PKHD1: variants seen among roughly 807,000 people sequenced by gnomAD.
The protein encoded by PKHD1 is PKHD1 ciliary IPT domain containing fibrocystin/polyductin, also known as fibrocystin.
Under a neutral mutation model 412.0 loss-of-function variants are expected in PKHD1, and 291 were observed. The observed-to-expected ratio is 0.71, with a 90% CI of 0.64 to 0.78. PKHD1 has a LOEUF of 0.78. Ranked by LOEUF, PKHD1 falls within the 30% of genes least tolerant of loss-of-function variation. The pLI is 0.00. For missense variants in PKHD1, 4,825 were observed against 4,950.7 expected (o/e 0.97, Z 0.76); for synonymous variants, 1,777 against 1,821.5 (o/e 0.98, Z 0.62).
chr6:51,810,115 A>G (rs1764467733), intron 52 of PKHD1, among the ~76,000 whole-genome samples: 1 of 152,076 alleles, frequency 6.6e-6, no homozygotes. Context: ...AAATTCCCCT[A>G]TTTCTGTAAT....
chr6:51,865,497 G>T (rs1328489585), intron 48 of PKHD1, among the ~76,000 whole-genome samples: 1 of 151,746 alleles, frequency 6.6e-6, no homozygotes, highest in African/African-American at 2.4e-5. Flanking sequence ...AAATGGACCA[G>T]AGAGGGGGCC....
At chr6:52,033,743 A>G (rs1175928618) in intron 28 of PKHD1, among the ~76,000 whole-genome samples, 1 of 152,186 alleles carries the variant, frequency 6.6e-6, no homozygotes, top group Non-Finnish European at 1.5e-5. Flanking sequence ...TAAGCAGGCT[A>G]GATTGAAACA....
At position 51,779,510 on chromosome 6, in the gene PKHD1, A is replaced by C. The variant is rs536591443; in HGVS notation, c.8441-3589T>G. Among the ~76,000 whole-genome samples the C allele has an allele frequency of 7.9e-5, 12 of 152,286 alleles. No individual in the cohort carries two copies. In the East Asian group the frequency reaches 1.7e-3, roughly 22 times the overall value. On this transcript the variant is annotated intron_variant, in intron 53 of 66. Transcript: ENST00000371117. Reference sequence around the variant, plus strand: ...ATTGCCTCCTTCTCTCAGTGAGCGCAAGAAGAAACTATGTATTCCCAGCAG... The same window carrying C: ...ATTGCCTCCTTCTCTCAGTGAGCGCCAGAAGAAACTATGTATTCCCAGCAG...
chr6:52,028,970 A>T (rs539872349), intron 29 of PKHD1, among the ~76,000 whole-genome samples: 19 of 152,356 alleles, frequency 1.2e-4, no homozygotes, highest in Non-Finnish European at 1.2e-4. Flanking sequence ...AAAGAGCACC[A>T]CATATTGGTT....
intron 52 of PKHD1, among the ~76,000 whole-genome samples, chr6:51,822,192 AT>A (rs1227538825): frequency 6.6e-6 from 1 of 152,086 alleles, no homozygotes; most frequent in South Asian, 2.1e-4. Flanking sequence ...ATGGTTTTTA[AT>A]TTTAACAAAG....
At chr6:51,893,719 C>T (rs1315274249) in intron 43 of PKHD1, among the ~76,000 whole-genome samples, 1 of 152,046 alleles carries the variant, frequency 6.6e-6, no homozygotes, top group Non-Finnish European at 1.5e-5. Flanking sequence ...CCCAAGTAAG[C>T]CAGCTCCTTG....
Position 52,010,451 on chromosome 6 carries a change from A to T in PKHD1, c.5609T>A (p.Leu1870Ter), listed in dbSNP as rs773634689. 2 of 1,599,284 alleles carry T rather than the reference A, an allele frequency of 1.3e-6. No individual in the cohort carries two copies. Among genetic ancestry groups the T allele is most frequent in the Admixed American group, 3.3e-5 (2 of 59,978 alleles). Residue 1870 changes from leucine (L) to a stop codon, truncating the protein, a stop_gained, in exon 35 of 67, where the codon TTG becomes TAG. Transcript: ENST00000371117. LOFTEE classifies it high-confidence loss of function. The stretch of plus-strand genomic sequence containing the variant: ...ATAGATGAGAACTTCATCTCTTTCC[A>T]ATTTAGGGCTGAAACGAGAGGGGAG... ...SFSGLFISPK[L>*]ERDEVLIYNS...
At chr6:52,065,154 T>TAGAG (rs1439203692) in intron 12 of PKHD1, 104 bp from the exon 13 acceptor site, 9 of 77,112 alleles carry the variant, frequency 1.2e-4, no homozygotes, top group African/African-American at 4.8e-4. Context: ...TATATATATA[T>TAGAG]ATATATATAT....
chr6:52,037,322 A>C (rs1804114817), intron 27 of PKHD1, among the ~76,000 whole-genome samples: 1 of 152,122 alleles, frequency 6.6e-6, no homozygotes, highest in African/African-American at 2.4e-5. Context: ...TCAGAGTTGC[A>C]AAGTCTATCC....
intron 35 of PKHD1, among the ~76,000 whole-genome samples, chr6:52,006,371 G>GTTGT (rs34570175): frequency 0.46 from 68,448 of 148,504 alleles, 17,026 homozygotes; most frequent in Admixed American, 0.59. Context: ...TGTTGTTGTT[G>GTTGT]TTGTTTGTTT....
intron 60 of PKHD1, among the ~76,000 whole-genome samples, chr6:51,700,528 C>T (rs1779296865): frequency 6.6e-6 from 1 of 152,034 alleles, no homozygotes; most frequent in Non-Finnish European, 1.5e-5. Context: ...ATCATACCTG[C>T]AGCTTCCAAG....
intron 60 of PKHD1, among the ~76,000 whole-genome samples, chr6:51,705,825 C>CT: frequency 6.6e-6 from 1 of 152,188 alleles, no homozygotes; most frequent in Middle Eastern, 3.4e-3. Flanking sequence ...AAATCTTTGC[C>CT]TGCTTCATGG....
At chr6:51,932,679 T>C (rs1786829350) in intron 37 of PKHD1, among the ~76,000 whole-genome samples, 1 of 152,214 alleles carries the variant, frequency 6.6e-6, no homozygotes, top group East Asian at 1.9e-4. Context: ...AAAGGTCCCC[T>C]TGGAAGTTGA....
intron 60 of PKHD1, chr6:51,722,070 T>C: frequency 6.2e-7 from 1 of 1,613,204 alleles, no homozygotes; most frequent in South Asian, 1.1e-5. Flanking sequence ...TCTCCAAAAA[T>C]ATGTCTCCAC....
Position 52,053,834 on chromosome 6 carries a change from C to T in PKHD1, c.1964+204G>A, listed in dbSNP as rs547388435. Among the ~76,000 whole-genome samples the T allele has an allele frequency of 3.9e-5, 6 of 152,350 alleles. 1 individual carries two copies. In the South Asian group the frequency reaches 1.0e-3, roughly 26 times the overall value. Reference sequence around the variant, plus strand: ...TTCTATCCCTATGAGAAATGTCAGACTCCCTCTAGGGAGTAGTATATTCTT... The same window carrying T: ...TTCTATCCCTATGAGAAATGTCAGATTCCCTCTAGGGAGTAGTATATTCTT... On this transcript the variant is annotated intron_variant, in intron 20 of 66. Transcript: ENST00000371117.
At position 51,847,868 on chromosome 6, in the gene PKHD1, C is replaced by T. The variant is rs756926987; in HGVS notation, c.8014G>A (p.Val2672Met). Residue 2672 changes from valine (V) to methionine (M), a missense_variant, in exon 50 of 67, where the codon GTG becomes ATG. Val to Met is a conservative substitution (Grantham distance 21). Coordinates refer to ENST00000371117, the MANE Select transcript of PKHD1 (RefSeq NM_138694.4). ...PDILLRCGSR[V>M]GLSFPFLPSP... Reference sequence around the variant, plus strand: ...GGAAGAAATGGAAAAGACAGACCCACTCGACTCCCACATCTTAGGAGGATG... The same window carrying T: ...GGAAGAAATGGAAAAGACAGACCCATTCGACTCCCACATCTTAGGAGGATG... The T allele has an allele frequency of 6.2e-7, 1 of 1,613,896 alleles. No individual in the cohort carries two copies. The highest frequency in any genetic ancestry group is 8.5e-7 in the Non-Finnish European group (1 of 1,179,768).
intron 36 of PKHD1, among the ~76,000 whole-genome samples, chr6:51,941,312 G>C (rs1341663009): frequency 7.6e-6 from 1 of 130,886 alleles, no homozygotes; most frequent in East Asian, 2.4e-4. Flanking sequence ...GCGGACTGCA[G>C]TGGCGCAATC....
intron 52 of PKHD1, among the ~76,000 whole-genome samples, chr6:51,828,180 T>C (rs1404334195): frequency 1.3e-5 from 2 of 152,094 alleles, no homozygotes; most frequent in Non-Finnish European, 2.9e-5. Context: ...CAGGTATTGA[T>C]GGTAAGTTTT....
intron 12 of PKHD1, 62 bp downstream of exon 12, chr6:52,065,914 A>G: frequency 1.2e-6 from 1 of 844,024 alleles, no homozygotes; most frequent in South Asian, 1.3e-5. Context: ...TGCCATACAG[A>G]CATATAATCT....
Sources: gnomAD v4.1 joint callset for allele counts (sites outside exome capture counted in the v4.1 genomes callset) on GRCh38, gnomAD v4.1.1 for gene constraint, MANE v1.5 for transcripts, NCBI Gene and HGNC (gene_info 2026-07-23, HGNC 2026-07-21) for gene names.